The following GLB1L variants were observed in gnomAD, a reference collection of about 807,000 sequenced individuals.
GLB1L encodes beta-galactosidase-1-like protein.
A neutral mutation model predicts 75.7 loss-of-function variants in GLB1L; 58 were observed. That is an observed-to-expected ratio of 0.77 (90% CI 0.62 to 0.95). The LOEUF (loss-of-function observed/expected upper bound fraction) is 0.95. Among genes scored for constraint, GLB1L ranks in the 40% least tolerant of loss-of-function variants. The pLI is 0.00. For missense variants in GLB1L, 797 were observed against 805.5 expected (o/e 0.99, Z 0.13); for synonymous variants, 296 against 303.0 (o/e 0.98, Z 0.24).
chr2:219,239,673 C>CAG lies in GLB1L; in HGVS notation c.788_789dup (p.Glu264LeufsTer23). 6.2e-6 allele frequency: 10 copies of CAG among 1,614,190 alleles called. No individual in the cohort carries two copies. The highest frequency in any genetic ancestry group is 8.5e-6 in the Non-Finnish European group (10 of 1,180,038). On this transcript the variant is annotated frameshift_variant, in exon 9 of 17. Coordinates refer to ENST00000295759, the MANE Select transcript of GLB1L (RefSeq NM_001286423.2). LOFTEE classifies it high-confidence loss of function. ...TAATCCAGCCAGCCTGTGTAGTACT[C>CAG]AGAGTTTACCTAGAGTGTGAAATGA...
intron 5 of GLB1L, 22 bp from the exon 6 acceptor site, chr2:219,240,307 C>T (rs1951354658): frequency 1.3e-6 from 2 of 1,580,338 alleles, no homozygotes. Context: ...AGCAGAGCTT[C>T]TGTGTTAGGT....
chr2:219,240,333 G>T, intron 5 of GLB1L, 48 bp from the exon 6 acceptor site: 1 of 1,401,170 alleles, frequency 7.1e-7, no homozygotes, highest in Non-Finnish European at 1.0e-6. Context: ...CATCACACTT[G>T]CTCACCACTA....
chr2:219,243,055 G>T, intron 3 of GLB1L, 93 bp downstream of exon 3: 1 of 1,540,334 alleles, frequency 6.5e-7, no homozygotes, highest in South Asian at 1.2e-5. Context: ...TGGCCTAGGA[G>T]TCCTGGCAGT....
intron 5 of GLB1L, among the ~76,000 whole-genome samples, chr2:219,241,410 A>ATG (rs1951382239): frequency 1.5e-5 from 1 of 68,038 alleles, no homozygotes; most frequent in Non-Finnish European, 3.1e-5. Context: ...TAATATATAT[A>ATG]TATGTGTGTG....
Position 219,237,627 on chromosome 2 carries a change from T to C in GLB1L, c.1574A>G (p.Gln525Arg). ...DNLVKWWFPL[Q>R]LPKWPYPQAP... ...TTGAGGATATGGCCATTTTGGCAAC[T>C]GGAGGGGAAACCACCACTTCACAAG... The change falls in exon 16 of 17, where the codon CAG becomes CGG. Residue 525 changes from glutamine (Q) to arginine (R), a missense_variant. Physicochemically the swap from Gln to Arg is conservative, Grantham distance 43. Transcript: ENST00000295759. 1.9e-6 allele frequency: 3 copies of C among 1,614,176 alleles called. No homozygotes were observed. The highest frequency in any genetic ancestry group is 2.5e-6 in the Non-Finnish European group (3 of 1,180,008).
At chr2:219,241,204 C>T (rs532085282) in intron 5 of GLB1L, among the ~76,000 whole-genome samples, 5 of 151,658 alleles carry the variant, frequency 3.3e-5, no homozygotes, top group African/African-American at 2.4e-5. Context: ...CACAGTGAAA[C>T]CCCATCTCTA....
In GLB1L at chr2:219,243,133, G is replaced by A. The variant is rs1951433628; in HGVS notation, c.239+15C>T. The A allele has an allele frequency of 6.3e-7, 1 of 1,587,338 alleles. No individual in the cohort carries two copies. Among genetic ancestry groups the A allele is most frequent in the East Asian group, 2.3e-5 (1 of 44,418 alleles). The stretch of plus-strand genomic sequence containing the variant: ...TAGATCCCATCCCTCCGCGGCTCTT[G>A]CGAGCACTTCTTACAACTGTATGGC... On this transcript the variant is annotated intron_variant, in intron 3 of 16. Transcript: ENST00000295759.
intron 5 of GLB1L, 53 bp from the exon 6 acceptor site, chr2:219,240,338 C>T (rs1951355389): frequency 3.6e-6 from 5 of 1,370,062 alleles, no homozygotes. Context: ...CACTTGCTCA[C>T]CACTAAATAT....
intron 1 of GLB1L, 87 bp from the exon 2 acceptor site, chr2:219,243,730 C>A: frequency 1.5e-6 from 1 of 653,132 alleles, no homozygotes; most frequent in Non-Finnish European, 2.7e-6. Context: ...CCCCCTTACT[C>A]TACTAGTTTG....
chr2:219,241,926 T>C (rs904089793), intron 5 of GLB1L, among the ~76,000 whole-genome samples: 2 of 151,888 alleles, frequency 1.3e-5, no homozygotes, highest in African/African-American at 2.4e-5. Flanking sequence ...TGGACCAGGG[T>C]GGGGGCAATG....
chr2:219,240,383 C>A, intron 5 of GLB1L, 98 bp from the exon 6 acceptor site: 1 of 948,228 alleles, frequency 1.1e-6, no homozygotes, highest in Non-Finnish European at 1.7e-6. Flanking sequence ...AATTCCCAAC[C>A]CTAAGCACCT....
At chr2:219,238,929 C>T (rs1951319682) in intron 11 of GLB1L, 150 bp from the exon 12 acceptor site, 1 of 855,708 alleles carries the variant, frequency 1.2e-6, no homozygotes. Context: ...TGTGTCTTCA[C>T]ACATAGTCCC....
chr2:219,238,862 C>A, intron 11 of GLB1L, 83 bp from the exon 12 acceptor site: 4 of 1,273,818 alleles, frequency 3.1e-6, no homozygotes, highest in Non-Finnish European at 4.4e-6. Context: ...AGTTCCTAAC[C>A]TGGGGCCCAG....
At chr2:219,237,375 GA>G in intron 16 of GLB1L, 28 bp from the exon 17 acceptor site, 1 of 1,606,810 alleles carries the variant, frequency 6.2e-7, no homozygotes, top group South Asian at 1.1e-5. Flanking sequence ...GGAAAGAGGG[GA>G]AAAGAAAGGG....
At chr2:219,244,691 G>A (rs1177554788) in intron 1 of GLB1L, among the ~76,000 whole-genome samples, 4 of 152,172 alleles carry the variant, frequency 2.6e-5, no homozygotes, top group Admixed American at 6.5e-5. Context: ...GAAGATCAGG[G>A]TAATAATAAT....
rs1160276667 is a variant in GLB1L, at chr2:219,243,482, G to A, written c.72+20C>T. On this transcript the variant is annotated intron_variant, in intron 2 of 16. Transcript: ENST00000295759. ...TCCCGCTCACCGCACCCGGCAGGCT[G>A]GTTCACCGTCTCATCTTACCTGGGG... 2 of 1,613,774 alleles carry A rather than the reference G, an allele frequency of 1.2e-6. No individual in the cohort carries two copies.
At position 219,237,935 on chromosome 2, in the gene GLB1L, C is replaced by T. The variant is rs761387456; in HGVS notation, c.1364G>A (p.Arg455Gln). The change falls in exon 15 of 17, where the codon CGA (arginine) becomes CAA (glutamine). Residue 455 changes from arginine to glutamine, a missense_variant. Transcript: ENST00000295759. ...CAAAAATAGTTTGTCTCTCATATTT[C>T]GCTCCACAACACCCTGGAACACCTG... ...VDGVFQGVVE[R>Q]NMRDKLFLTG... 39 of 1,613,990 alleles carry T rather than the reference C, an allele frequency of 2.4e-5. No homozygotes were observed. The highest frequency in any genetic ancestry group is 3.3e-4 in the Middle Eastern group (2 of 6,084).
rs1336043267 is a variant in GLB1L at position 219,236,755 on chromosome 2, G to A, written c.*317C>T. The A allele has an allele frequency of 5.5e-6, 2 of 363,222 alleles. No individual in the cohort carries two copies. The highest frequency in any genetic ancestry group is 9.6e-6 in the Non-Finnish European group (2 of 209,114). The allele number at this position is 363,222 out of a possible 1,614,324, so 22.5% of individuals were successfully genotyped here. ...GCCCACTCCATGTCCCAGGTCCAAGGGTTACTTTTTTTTTTTTTTTTTTTT... is the reference window on the plus strand; with the variant it reads ...GCCCACTCCATGTCCCAGGTCCAAGAGTTACTTTTTTTTTTTTTTTTTTTT... On this transcript the variant is annotated 3_prime_UTR_variant, in exon 17 of 17. Coordinates refer to ENST00000295759, the MANE Select transcript of GLB1L (RefSeq NM_001286423.2).
Position 219,239,846 on chromosome 2 carries a change from G to C in GLB1L, c.722-13C>G, listed in dbSNP as rs985912258. ...GTCATGTTGTCAGCTGCGGAAAGGA[G>C]GCAAAAGAAAAAGATAAATGTCGTG... On this transcript the variant is annotated splice_polypyrimidine_tract_variant and intron_variant, in intron 7 of 16. Coordinates refer to ENST00000295759, the MANE Select transcript of GLB1L (RefSeq NM_001286423.2). 6.2e-7 allele frequency: 1 copy of C among 1,614,156 alleles called. No homozygotes were observed. The highest frequency in any genetic ancestry group is 8.5e-7 in the Non-Finnish European group (1 of 1,180,038).
Sources: gnomAD v4.1 joint callset for allele counts (sites outside exome capture counted in the v4.1 genomes callset) on GRCh38, gnomAD v4.1.1 for gene constraint, MANE v1.5 for transcripts, NCBI Gene and HGNC (gene_info 2026-07-23, HGNC 2026-07-21) for gene names.